The following CNBD1 variants were observed in gnomAD, a reference collection of about 807,000 sequenced individuals.
CNBD1 encodes cyclic nucleotide-binding domain-containing protein 1.
In CNBD1, 71 loss-of-function variants were observed where a neutral mutation model predicts 54.4. The ratio of observed to expected loss-of-function variants is 1.30; its 90% CI spans 1.08 to 1.59. CNBD1 has a LOEUF of 1.59. Ranked by LOEUF, CNBD1 falls within the 40% of genes most tolerant of loss-of-function variation. CNBD1 has a pLI of 0.00. For synonymous variants in CNBD1, 182 were observed against 170.7 expected (o/e 1.07, Z -0.51); for missense variants, 659 against 518.0 (o/e 1.27, Z -2.64).
At chr8:86,994,445 T>A (rs1441710509) in intron 4 of CNBD1, among the ~76,000 whole-genome samples, 3 of 152,178 alleles carry the variant, frequency 2.0e-5, no homozygotes, top group Non-Finnish European at 4.4e-5. Context: ...CTAGAGCTAA[T>A]TGGAGAGAGA....
At chr8:86,976,907 G>A (rs1018348377) in intron 4 of CNBD1, among the ~76,000 whole-genome samples, 1 of 151,936 alleles carries the variant, frequency 6.6e-6, no homozygotes, top group Admixed American at 6.6e-5. Context: ...GTTTGCTTAT[G>A]AGTTTTAACA....
intron 8 of CNBD1, among the ~76,000 whole-genome samples, chr8:87,303,126 GA>G (rs1454783221): frequency 6.6e-6 from 1 of 151,882 alleles, no homozygotes; most frequent in African/African-American, 2.4e-5. Flanking sequence ...CACAGAATTG[GA>G]AAAAACTACT....
intron 2 of CNBD1, among the ~76,000 whole-genome samples, chr8:87,405,611 C>G (rs573059308): frequency 6.6e-6 from 1 of 152,164 alleles, no homozygotes; most frequent in African/African-American, 2.4e-5. Context: ...GAGTGAAAAA[C>G]TACAAGGGTG....
intron 10 of CNBD1, among the ~76,000 whole-genome samples, chr8:87,364,516 A>T (rs1163540377): frequency 6.6e-6 from 1 of 151,538 alleles, no homozygotes; most frequent in Admixed American, 6.6e-5. Flanking sequence ...TTATGTTCAG[A>T]AGTACATGTG....
At position 87,168,804 on chromosome 8, in the gene CNBD1, T is replaced by C. The variant is rs141179240; in HGVS notation, c.432-37189T>C. On this transcript the variant is annotated intron_variant, in intron 4 of 10. Transcript: ENST00000518476. The stretch of plus-strand genomic sequence containing the variant: ...GATGAACAGTACTCCACTGTGTATA[T>C]GTGCCACATTTTTAAAATTCATCTG... Among the ~76,000 whole-genome samples the C allele has an allele frequency of 6.0e-4, 91 of 152,262 alleles. 1 individual carries two copies. Among genetic ancestry groups the C allele is most frequent in the African/African-American group, 1.9e-3 (78 of 41,580 alleles).
chr8:87,315,691 T>A (rs921836869), intron 8 of CNBD1, among the ~76,000 whole-genome samples: 1 of 151,966 alleles, frequency 6.6e-6, no homozygotes, highest in Non-Finnish European at 1.5e-5. Flanking sequence ...AATTTCAACA[T>A]GAGTTTTGGA....
chr8:87,327,551 G>A (rs1437295309), intron 8 of CNBD1, among the ~76,000 whole-genome samples: 2 of 152,174 alleles, frequency 1.3e-5, no homozygotes, highest in African/African-American at 4.8e-5. Context: ...TATTCGGGTG[G>A]GAGTGACCCG....
At chr8:87,107,206 A>C (rs1421489860) in intron 4 of CNBD1, among the ~76,000 whole-genome samples, 1 of 152,184 alleles carries the variant, frequency 6.6e-6, no homozygotes, top group Non-Finnish European at 1.5e-5. Flanking sequence ...TTTTATTCCC[A>C]AAATCTAGAT....
At chr8:87,255,127 A>G (rs28623446) in intron 6 of CNBD1, among the ~76,000 whole-genome samples, 43,404 of 151,964 alleles carry the variant, frequency 0.29, 6,696 homozygotes, top group African/African-American at 0.4. Context: ...TACTTAATGC[A>G]AGGTTACTTA....
At chr8:87,028,275 G>A (rs529682913) in intron 4 of CNBD1, among the ~76,000 whole-genome samples, 4 of 152,270 alleles carry the variant, frequency 2.6e-5, no homozygotes, top group African/African-American at 7.2e-5. Flanking sequence ...AGGCAATCAG[G>A]AATGTGGTTG....
At chr8:87,426,377 C>T (rs1424739619) in intron 2 of CNBD1, among the ~76,000 whole-genome samples, 3 of 152,160 alleles carry the variant, frequency 2.0e-5, no homozygotes, top group African/African-American at 7.2e-5. Flanking sequence ...TTAAATGCAA[C>T]ATCATGATCG....
At chr8:87,427,368 A>G (rs1362719114) in intron 2 of CNBD1, among the ~76,000 whole-genome samples, 2 of 152,166 alleles carry the variant, frequency 1.3e-5, no homozygotes, top group Non-Finnish European at 2.9e-5. Context: ...AAGTTACACC[A>G]TGGCTTTTTA....
At chr8:87,327,395 C>G (rs541122581) in intron 8 of CNBD1, among the ~76,000 whole-genome samples, 5 of 151,962 alleles carry the variant, frequency 3.3e-5, no homozygotes, top group African/African-American at 1.2e-4. Context: ...GGGCGCCCCT[C>G]CCCCACCCTC....
At chr8:87,279,453 G>T (rs1297962049) in intron 6 of CNBD1, among the ~76,000 whole-genome samples, 1 of 151,252 alleles carries the variant, frequency 6.6e-6, no homozygotes. Flanking sequence ...AAAAAAGATT[G>T]TCATATTGCC....
chr8:87,126,893 A>C (rs1179794879), intron 4 of CNBD1, among the ~76,000 whole-genome samples: 1 of 152,018 alleles, frequency 6.6e-6, no homozygotes, highest in Middle Eastern at 3.4e-3. Context: ...TTGAAAAACT[A>C]TTATTTTCTC....
chr8:87,292,275 A>G (rs1446255976), intron 8 of CNBD1, among the ~76,000 whole-genome samples: 1 of 152,218 alleles, frequency 6.6e-6, no homozygotes, highest in Admixed American at 6.5e-5. Context: ...GAGAGAATAA[A>G]GGCAATTTGG....
intron 4 of CNBD1, among the ~76,000 whole-genome samples, chr8:87,135,451 T>C (rs1812208354): frequency 1.3e-5 from 2 of 151,422 alleles, no homozygotes; most frequent in Non-Finnish European, 2.9e-5. Context: ...TCATGGTAGA[T>C]TACCAAATAA....
intron 4 of CNBD1, among the ~76,000 whole-genome samples, chr8:87,091,799 T>A (rs1811207652): frequency 6.6e-6 from 1 of 151,176 alleles, no homozygotes; most frequent in Non-Finnish European, 1.5e-5. Context: ...TTACATAAAT[T>A]TTTTTTTGCA....
intron 2 of CNBD1, among the ~76,000 whole-genome samples, chr8:86,889,707 G>T (rs775031629): frequency 6.6e-6 from 1 of 152,000 alleles, no homozygotes; most frequent in Non-Finnish European, 1.5e-5. Context: ...CTAAATTTTT[G>T]AGTGCAAATT....
Sources: allele counts gnomAD v4.1 joint callset (sites outside exome capture counted in the v4.1 genomes callset), GRCh38; gene constraint gnomAD v4.1.1; transcripts MANE v1.5; gene names NCBI Gene and HGNC (gene_info 2026-07-23, HGNC 2026-07-21).